The following PDE10A variants were observed in gnomAD, a reference collection of about 807,000 sequenced individuals.
PDE10A encodes the protein cAMP and cAMP-inhibited cGMP 3',5'-cyclic phosphodiesterase 10A.
Under a neutral mutation model 97.7 loss-of-function variants are expected in PDE10A, and 39 were observed. The observed-to-expected ratio is 0.40, with a 90% CI of 0.31 to 0.52. The LOEUF is 0.52. PDE10A is among the 20% of genes least tolerant of loss of function. The pLI, the probability that PDE10A is intolerant of heterozygous loss-of-function variation, is 0.56. For missense variants in PDE10A, 731 were observed against 1,047.8 expected (o/e 0.70, Z 4.17); for synonymous variants, 371 against 376.8 (o/e 0.98, Z 0.18).
chr6:165,481,427 G>A (rs988480730), intron 3 of PDE10A, among the ~76,000 whole-genome samples: 1 of 151,776 alleles, frequency 6.6e-6, no homozygotes. Flanking sequence ...AACCCCCAGC[G>A]CTGGCCCAGG....
chr6:165,731,649 T>A (rs959591515), intron 1 of PDE10A, among the ~76,000 whole-genome samples: 3 of 152,206 alleles, frequency 2.0e-5, no homozygotes, highest in African/African-American at 7.2e-5. Flanking sequence ...TTTCTGTACT[T>A]CTGGGTTCTT....
In PDE10A at chr6:165,408,212, C is replaced by A. The variant is rs146774880; in HGVS notation, c.2076+5289G>T. Among the ~76,000 whole-genome samples the A allele has an allele frequency of 7.9e-5, 12 of 152,254 alleles. No homozygotes were observed. The East Asian group carries it at 2.1e-3, about 27-fold the overall frequency. ...ATCAACACAATTAAAATGACAATAACGGTCAACAATTAAAAAGCACTTCAT... is the reference window on the plus strand; with the variant it reads ...ATCAACACAATTAAAATGACAATAAAGGTCAACAATTAAAAAGCACTTCAT... On this transcript the variant is annotated intron_variant, in intron 13 of 21. Coordinates refer to ENST00000539869, the MANE Select transcript of PDE10A (RefSeq NM_001385079.1).
intron 1 of PDE10A, among the ~76,000 whole-genome samples, chr6:165,867,399 T>A (rs1251376069): frequency 6.6e-6 from 1 of 151,838 alleles, no homozygotes; most frequent in Admixed American, 6.6e-5. Flanking sequence ...AAATATACTT[T>A]AAGTCTAAAA....
intron 13 of PDE10A, among the ~76,000 whole-genome samples, chr6:165,401,000 G>A (rs1352671227): frequency 6.6e-6 from 1 of 152,124 alleles, no homozygotes; most frequent in Non-Finnish European, 1.5e-5. Context: ...TTTAGAAACT[G>A]CAATTTATAG....
chr6:165,559,169 G>C (rs6456002), intron 1 of PDE10A, among the ~76,000 whole-genome samples: 18,268 of 152,126 alleles, frequency 0.12, 2,179 homozygotes, highest in East Asian at 0.33. Flanking sequence ...TATAAAAGGT[G>C]GTGAAGGATT....
At chr6:165,882,636 C>T (rs1436954204) in intron 1 of PDE10A, among the ~76,000 whole-genome samples, 18 of 152,088 alleles carry the variant, frequency 1.2e-4, no homozygotes. Flanking sequence ...ACAAGGACGG[C>T]AGCATTTCCA....
intron 1 of PDE10A, among the ~76,000 whole-genome samples, chr6:165,983,266 C>T (rs1268316053): frequency 6.6e-6 from 1 of 152,200 alleles, no homozygotes; most frequent in Non-Finnish European, 1.5e-5. Flanking sequence ...TACTATCCTA[C>T]GTTCATCAGC....
intron 1 of PDE10A, among the ~76,000 whole-genome samples, chr6:165,619,680 T>TAGTGTAGTGTAGTGTAGTCC (rs1380044814): frequency 4.8e-5 from 6 of 124,338 alleles, no homozygotes; most frequent in South Asian, 2.3e-4. Flanking sequence ...TAGTGTAGTC[T>TAGTGTAGTGTAGTGTAGTCC]AGTGTAGTGT....
chr6:165,526,204 C>T (rs963589773), intron 2 of PDE10A, among the ~76,000 whole-genome samples: 4 of 152,168 alleles, frequency 2.6e-5, no homozygotes, highest in Non-Finnish European at 4.4e-5. Flanking sequence ...TGGCTCTGAG[C>T]TGATGTTGAT....
chr6:165,423,402 G>A (rs2128233777), intron 10 of PDE10A, among the ~76,000 whole-genome samples: 1 of 152,288 alleles, frequency 6.6e-6, no homozygotes, highest in African/African-American at 2.4e-5. Flanking sequence ...AGGGCGTCTG[G>A]AAATGAGTGC....
At position 165,819,290 on chromosome 6, in the gene PDE10A, A is replaced by G. The variant is rs1023952375; in HGVS notation, c.-615+168239T>C. Reference sequence around the variant, plus strand: ...TCCGTCCACACGTCAGCAGTTGCCCAGCCTCATGACTTCTACCTCTTAAGT... The same window carrying G: ...TCCGTCCACACGTCAGCAGTTGCCCGGCCTCATGACTTCTACCTCTTAAGT... On this transcript the variant is annotated intron_variant, in intron 1 of 19. Coordinates refer to the PDE10A transcript ENST00000366882. The surrounding 1 kb of genome is among the most constrained non-coding windows in gnomAD (Gnocchi z 4.2). 6.6e-6 allele frequency among the ~76,000 whole-genome samples: 1 copy of G among 152,172 alleles called. No homozygotes were observed. The highest frequency in any genetic ancestry group is 1.5e-5 in the Non-Finnish European group (1 of 68,034).
intron 1 of PDE10A, among the ~76,000 whole-genome samples, chr6:165,881,462 TTC>T (rs1781476314): frequency 6.8e-6 from 1 of 146,716 alleles, no homozygotes; most frequent in Non-Finnish European, 1.5e-5. Context: ...ATGGTGGGAT[TTC>T]AGCTCACTGC....
chr6:165,831,233 G>A (rs941602305), intron 1 of PDE10A, among the ~76,000 whole-genome samples: 4 of 151,418 alleles, frequency 2.6e-5, no homozygotes, highest in Admixed American at 1.3e-4. Flanking sequence ...CTAGCCTGGC[G>A]TGGTGGTAGG....
chr6:165,631,160 T>C (rs759641375), intron 1 of PDE10A, among the ~76,000 whole-genome samples: 4 of 152,210 alleles, frequency 2.6e-5, no homozygotes, highest in East Asian at 1.9e-4. Flanking sequence ...ATTGAAGAAA[T>C]AGGTTAATCT....
At chr6:165,796,562 C>T (rs1380126373) in intron 1 of PDE10A, among the ~76,000 whole-genome samples, 2 of 152,162 alleles carry the variant, frequency 1.3e-5, no homozygotes, top group Admixed American at 1.3e-4. Context: ...TATGTGTAAG[C>T]ATCAGTTAGG....
intron 18 of PDE10A, among the ~76,000 whole-genome samples, chr6:165,367,331 GAA>G (rs34975556): frequency 1.5e-4 from 22 of 150,542 alleles, no homozygotes; most frequent in Admixed American, 3.3e-4. Context: ...AGAATATTAG[GAA>G]AAAAAACAGT....
intron 2 of PDE10A, among the ~76,000 whole-genome samples, chr6:165,497,134 C>CA (rs1019572958): frequency 2.7e-4 from 41 of 151,480 alleles, no homozygotes; most frequent in African/African-American, 8.9e-4. Context: ...CAAGCCATAT[C>CA]AAAAAAAAGG....
chr6:165,354,965 T>C (rs2128188808), intron 18 of PDE10A, among the ~76,000 whole-genome samples: 1 of 152,290 alleles, frequency 6.6e-6, no homozygotes, highest in Middle Eastern at 3.4e-3. Flanking sequence ...TCATTATTAA[T>C]TCTTAAGTAG....
intron 1 of PDE10A, among the ~76,000 whole-genome samples, chr6:165,566,393 T>C (rs1784780923): frequency 6.6e-6 from 1 of 152,174 alleles, no homozygotes; most frequent in Non-Finnish European, 1.5e-5. Context: ...CCTATTTAAA[T>C]GGCCAAAATC....
Sources: allele counts gnomAD v4.1 joint callset (sites outside exome capture counted in the v4.1 genomes callset), GRCh38; gene constraint gnomAD v4.1.1; non-coding constraint Gnocchi (gnomAD v3.1); transcripts MANE v1.5; gene names NCBI Gene and HGNC (gene_info 2026-07-23, HGNC 2026-07-21).